Variants in LSM14A observed in about 807,000 individuals in gnomAD.
The protein encoded by LSM14A is LSM14A mRNA processing body assembly factor, also known as protein LSM14 homolog A.
Under a neutral mutation model 52.4 loss-of-function variants are expected in LSM14A, and 14 were observed. The observed-to-expected ratio is 0.27, with a 90% CI of 0.18 to 0.42. The LOEUF is 0.42. Among genes scored for constraint, LSM14A ranks in the 10% least tolerant of loss-of-function variants. The pLI is 1.00. For missense variants in LSM14A, 417 were observed against 581.8 expected, an observed-to-expected ratio of 0.72 and a Z score of 2.91; for synonymous variants, 185 against 200.3, an observed-to-expected ratio of 0.92 and a Z score of 0.64.
intron 6 of LSM14A, 80 bp downstream of exon 6, chr19:34,215,741 TA>T (rs1002553502): frequency 1.9e-5 from 20 of 1,036,438 alleles, no homozygotes; most frequent in South Asian, 8.5e-5. Flanking sequence ...ATAATTACTA[TA>T]AAAAAATGAA....
At position 34,211,260 on chromosome 19, in the gene LSM14A, T is replaced by A. The variant is rs140757839; in HGVS notation, c.538+2209T>A. Among the ~76,000 whole-genome samples the A allele has an allele frequency of 7.9e-4, 119 of 151,384 alleles. 3 individuals carry two copies. In the East Asian group the frequency reaches 0.019, roughly 25 times the overall value. On this transcript the variant is annotated intron_variant, in intron 4 of 9. Transcript: ENST00000544216. Reference sequence around the variant, plus strand: ...TTGCAGTGAGCCGAGATCACGCTACTGCACTCCAGCTTGGGCGACAGAGCG... The same window carrying A: ...TTGCAGTGAGCCGAGATCACGCTACAGCACTCCAGCTTGGGCGACAGAGCG...
intron 3 of LSM14A, among the ~76,000 whole-genome samples, chr19:34,197,239 C>T (rs936160520): frequency 3.3e-5 from 5 of 151,704 alleles, no homozygotes; most frequent in African/African-American, 1.2e-4. Flanking sequence ...TTACGATATG[C>T]ATCACCACAC....
chr19:34,191,624 A>G lies in LSM14A; in HGVS notation c.122-2854A>G, dbSNP rs150065644. Among the ~76,000 whole-genome samples the G allele has an allele frequency of 5.3e-5, 8 of 152,168 alleles. No homozygotes were observed. The East Asian group carries it at 1.5e-3, about 29-fold the overall frequency. On this transcript the variant is annotated intron_variant, in intron 1 of 9. Coordinates refer to ENST00000544216, the MANE Select transcript of LSM14A (RefSeq NM_015578.4). ...TCCTTTCAGTACCTGCTGCTTGCCA[A>G]AACGTGAAATGCAGATTCTCTTTTT...
intron 8 of LSM14A, 146 bp from the exon 9 acceptor site, chr19:34,221,361 C>T (rs1432615928): frequency 8.7e-6 from 8 of 918,114 alleles, no homozygotes; most frequent in African/African-American, 5.0e-5. Context: ...GGATTACAGG[C>T]GTGAGCCATC....
At chr19:34,176,459 A>G (rs2069094701) in intron 1 of LSM14A, among the ~76,000 whole-genome samples, 2 of 152,262 alleles carry the variant, frequency 1.3e-5, no homozygotes, top group South Asian at 2.1e-4. Flanking sequence ...TTTTCCCATC[A>G]CAACTATCAC....
At chr19:34,217,422 A>T (rs536455961) in intron 6 of LSM14A, among the ~76,000 whole-genome samples, 1 of 151,508 alleles carries the variant, frequency 6.6e-6, no homozygotes, top group African/African-American at 2.4e-5. Context: ...ATATTTTCAA[A>T]TTTATTAATG....
Position 34,172,605 on chromosome 19 carries a change from C to A in LSM14A, c.-38C>A. On this transcript the variant is annotated 5_prime_UTR_variant, in exon 1 of 10. Coordinates refer to ENST00000544216, the MANE Select transcript of LSM14A (RefSeq NM_015578.4). ...GCGGGCGACAGTGGCGTGGGATCTG[C>A]CTCTCTGCGAGCAGCTGGGAGCGGC... 6.5e-7 allele frequency: 1 copy of A among 1,534,468 alleles called. No individual in the cohort carries two copies. Among genetic ancestry groups the A allele is most frequent in the Non-Finnish European group, 8.8e-7 (1 of 1,142,792 alleles).
intron 9 of LSM14A, among the ~76,000 whole-genome samples, chr19:34,223,001 G>A (rs1418637603): frequency 6.6e-6 from 1 of 152,158 alleles, no homozygotes; most frequent in Non-Finnish European, 1.5e-5. Context: ...CCAATTTGGG[G>A]TCTTTCTTCC....
chr19:34,226,455 T>C (rs755347788), intron 9 of LSM14A: 2 of 1,514,870 alleles, frequency 1.3e-6, no homozygotes, highest in Middle Eastern at 1.7e-4. Flanking sequence ...ATCGTACTGC[T>C]TTCTGAAAGG....
intron 1 of LSM14A, among the ~76,000 whole-genome samples, chr19:34,179,597 A>C (rs2069327846): frequency 6.6e-6 from 1 of 152,170 alleles, no homozygotes; most frequent in Admixed American, 6.6e-5. Flanking sequence ...AGGTGCCAGA[A>C]ACTGTTCATT....
At chr19:34,198,935 C>G (rs2071078135) in intron 3 of LSM14A, among the ~76,000 whole-genome samples, 1 of 151,356 alleles carries the variant, frequency 6.6e-6, no homozygotes, top group Admixed American at 6.6e-5. Context: ...TGCGGTGAGC[C>G]AAGATCGTAC....
At chr19:34,198,899 A>C (rs1378844313) in intron 3 of LSM14A, among the ~76,000 whole-genome samples, 1 of 151,750 alleles carries the variant, frequency 6.6e-6, no homozygotes, top group Non-Finnish European at 1.5e-5. Flanking sequence ...AGGCAGGAGC[A>C]TGGCGTGAAC....
At chr19:34,205,487 C>CAAAAAAAAAAAAAAAAAAAAAA (rs140536208) in intron 3 of LSM14A, among the ~76,000 whole-genome samples, 1 of 95,186 alleles carries the variant, frequency 1.1e-5, no homozygotes, top group Non-Finnish European at 2.1e-5. Flanking sequence ...CTCCATCTCA[C>CAAAAAAAAAAAAAAAAAAAAAA]AAAAAAAAAA....
At chr19:34,206,707 AAG>A (rs1325931455) in intron 3 of LSM14A, among the ~76,000 whole-genome samples, 4 of 152,094 alleles carry the variant, frequency 2.6e-5, no homozygotes, top group African/African-American at 9.7e-5. Flanking sequence ...AGAATACAGG[AAG>A]AGGAAATATT....
chr19:34,183,094 T>G lies in LSM14A; in HGVS notation c.121+10331T>G, dbSNP rs138005258. Reference sequence around the variant, plus strand: ...GTCTCTTGGTTTTATCATTTGGAGATTAAAATATAAAAACAGCCATAAGGA... The same window carrying G: ...GTCTCTTGGTTTTATCATTTGGAGAGTAAAATATAAAAACAGCCATAAGGA... On this transcript the variant is annotated intron_variant, in intron 1 of 9. Coordinates refer to ENST00000544216, the MANE Select transcript of LSM14A (RefSeq NM_015578.4). Among the ~76,000 whole-genome samples the G allele has an allele frequency of 8.7e-3, 1,317 of 152,194 alleles. 18 individuals carry two copies. Among genetic ancestry groups the G allele is most frequent in the African/African-American group, 0.03 (1,257 of 41,514 alleles).
At chr19:34,212,322 C>A (rs185961453) in intron 4 of LSM14A, among the ~76,000 whole-genome samples, 4 of 152,226 alleles carry the variant, frequency 2.6e-5, no homozygotes, top group Admixed American at 1.3e-4. Flanking sequence ...AAGAATTCAT[C>A]TTAAAAGAAT....
At chr19:34,172,890 C>T (rs1366173519) in intron 1 of LSM14A, 127 bp downstream of exon 1, 2 of 1,141,900 alleles carry the variant, frequency 1.8e-6, no homozygotes, top group Non-Finnish European at 2.3e-6. Flanking sequence ...CTCTCGCCTC[C>T]CTTCTCCGGG....
chr19:34,191,560 T>C (rs545760343), intron 1 of LSM14A, among the ~76,000 whole-genome samples: 12 of 152,152 alleles, frequency 7.9e-5, no homozygotes, highest in Non-Finnish European at 1.6e-4. Context: ...AAATTTTTCT[T>C]GATTCCCTGA....
chr19:34,221,276 T>A (rs956141150), intron 8 of LSM14A: 2 of 503,940 alleles, frequency 4.0e-6, no homozygotes, highest in Non-Finnish European at 7.1e-6. Context: ...AGAGAATGAG[T>A]TTCACCATTT....
Sources: allele counts gnomAD v4.1 joint callset (sites outside exome capture counted in the v4.1 genomes callset), GRCh38; gene constraint gnomAD v4.1.1; transcripts MANE v1.5; gene names NCBI Gene and HGNC (gene_info 2026-07-23, HGNC 2026-07-21).